The following IQANK1 variants were observed in gnomAD, a reference collection of about 807,000 sequenced individuals.
IQANK1 encodes the protein IQ motif and ankyrin repeat domain-containing protein 1.
IQANK1 carries 30 observed loss-of-function variants against 22.6 expected under a neutral mutation model. That is an observed-to-expected ratio of 1.33 (90% CI 0.99 to 1.80). IQANK1 has a LOEUF of 1.80. Ranked by LOEUF, IQANK1 falls within the 40% of genes most tolerant of loss-of-function variation. IQANK1 has a pLI of 0.00. For missense variants in IQANK1, 275 were observed against 235.2 expected (o/e 1.17, Z -1.11); for synonymous variants, 122 against 99.6 (o/e 1.23, Z -1.34).
At chr8:143,748,828 ATTT>A (rs1819103540) in intron 3 of IQANK1, among the ~76,000 whole-genome samples, 1 of 116,992 alleles carries the variant, frequency 8.5e-6, no homozygotes, top group East Asian at 2.6e-4. Flanking sequence ...ATAAATATAT[ATTT>A]CATATATAAA....
chr8:143,744,683 C>T (rs895240648), intron 3 of IQANK1: 1 of 152,174 alleles, frequency 6.6e-6, no homozygotes, highest in African/African-American at 2.4e-5. Context: ...TTAACCTCTG[C>T]AATTCCTCAA....
chr8:143,742,947 G>A (rs1554626803), intron 3 of IQANK1: 1 of 456,054 alleles, frequency 2.2e-6, no homozygotes. Context: ...ACAGTGTCCC[G>A]GCACAGCCTA....
At chr8:143,759,021 C>T (rs1278373798) in intron 3 of IQANK1, 13 of 205,072 alleles carry the variant, frequency 6.3e-5, no homozygotes, top group African/African-American at 1.9e-4. Flanking sequence ...AGCAATTCTT[C>T]GCAATGGGGT....
intron 7 of IQANK1, among the ~76,000 whole-genome samples, chr8:143,776,558 G>A (rs1554630449): frequency 6.6e-6 from 1 of 152,098 alleles, no homozygotes; most frequent in African/African-American, 2.4e-5. Flanking sequence ...TTTTCAGGGT[G>A]TAGTATAGGA....
intron 7 of IQANK1, among the ~76,000 whole-genome samples, chr8:143,777,389 G>A (rs1275389189): frequency 6.6e-6 from 1 of 151,602 alleles, no homozygotes; most frequent in South Asian, 2.1e-4. Flanking sequence ...GGTGGCAGGC[G>A]CCTGTAATCC....
intron 3 of IQANK1, chr8:143,742,332 G>A (rs1280912820): frequency 4.4e-6 from 2 of 450,936 alleles, no homozygotes; most frequent in Admixed American, 2.4e-5. Flanking sequence ...CTGCCCGCCA[G>A]GATCTCCCTG....
chr8:143,761,060 C>G (rs1819386273), intron 3 of IQANK1, among the ~76,000 whole-genome samples: 1 of 152,218 alleles, frequency 6.6e-6, no homozygotes, highest in African/African-American at 2.4e-5. Flanking sequence ...CCATCCTGAA[C>G]CAGGGCGTCA....
chr8:143,741,516 TGGGGTTGGCAGGG>T (rs782088279), intron 3 of IQANK1, among the ~76,000 whole-genome samples: 7 of 151,722 alleles, frequency 4.6e-5, no homozygotes, highest in Non-Finnish European at 8.8e-5. Context: ...ACCGCACAGG[TGGGGTTGGCAGGG>T]GGGATTCTAC....
chr8:143,747,977 T>TCCCTTTC (rs1478933242), intron 3 of IQANK1, among the ~76,000 whole-genome samples: 1 of 140,048 alleles, frequency 7.1e-6, no homozygotes, highest in African/African-American at 2.9e-5. Context: ...CCTTTCCCTT[T>TCCCTTTC]CCTTTCCCTT....
chr8:143,737,200 A>G (rs920546726), intron 2 of IQANK1, among the ~76,000 whole-genome samples: 3 of 152,222 alleles, frequency 2.0e-5, no homozygotes, highest in Non-Finnish European at 2.9e-5. Context: ...CTGCACTCCA[A>G]TAAACGGGGG....
intron 3 of IQANK1, chr8:143,746,096 C>T (rs1329652948): frequency 6.6e-6 from 1 of 152,200 alleles, no homozygotes; most frequent in Non-Finnish European, 1.5e-5. Context: ...AAAATCATAT[C>T]ATTGGCAAAC....
chr8:143,781,055 T>G (rs760922359), intron 7 of IQANK1, among the ~76,000 whole-genome samples: 5 of 152,244 alleles, frequency 3.3e-5, no homozygotes, highest in Non-Finnish European at 5.9e-5. Flanking sequence ...ATTGTGGTTT[T>G]GATTTGCATT....
chr8:143,736,053 C>T lies in IQANK1; in HGVS notation c.85+115C>T, dbSNP rs1362320824. ...AGGAGAGCCCTTCTTCCAAGAGTGG[C>T]TTTTAGGGGACCTCTGAGTTGGGAT... is the stretch of plus-strand genomic sequence containing the variant. On this transcript the variant is annotated intron_variant, in intron 2 of 13. Transcript: ENST00000527139. The T allele has an allele frequency of 7.8e-6, 5 of 640,768 alleles. No homozygotes were observed. The Admixed American group carries it at 9.5e-5, about 12-fold the overall frequency. The allele number at this position is 640,768 out of a possible 1,614,324, so 39.7% of individuals were successfully genotyped here.
Position 143,771,394 on chromosome 8 carries a change from G to A in IQANK1, c.176-94G>A. On this transcript the variant is annotated intron_variant, in intron 3 of 13. Transcript: ENST00000527139. The surrounding 1 kb of genome is among the most constrained non-coding windows in gnomAD (Gnocchi z 6.0). Reference sequence around the variant, plus strand: ...GAGCCGTTTGGGTCCTTCTGTCGGGGCGGGGGCGGGGGCGGGGCCGGCTCC... The same window carrying A: ...GAGCCGTTTGGGTCCTTCTGTCGGGACGGGGGCGGGGGCGGGGCCGGCTCC... The A allele has an allele frequency of 2.6e-6, 1 of 390,750 alleles. No homozygotes were observed. The highest frequency in any genetic ancestry group is 4.5e-6 in the Non-Finnish European group (1 of 221,456). 24.2% of individuals were successfully genotyped at this position (390,750 alleles called of 1,614,324 possible).
chr8:143,760,869 GC>G (rs1819382203), intron 3 of IQANK1, among the ~76,000 whole-genome samples: 2 of 152,206 alleles, frequency 1.3e-5, no homozygotes, highest in Non-Finnish European at 2.9e-5. Flanking sequence ...CCTCCCAGGA[GC>G]CGGTCATCGC....
At chr8:143,786,520 T>G (rs1554631370) in intron 7 of IQANK1, among the ~76,000 whole-genome samples, 1 of 152,258 alleles carries the variant, frequency 6.6e-6, no homozygotes, top group Non-Finnish European at 1.5e-5. Flanking sequence ...CCTATGTGTT[T>G]ACCCATTTAT....
At chr8:143,773,016 G>T (rs1292955600) in intron 7 of IQANK1, among the ~76,000 whole-genome samples, 12 of 152,204 alleles carry the variant, frequency 7.9e-5, no homozygotes, top group African/African-American at 2.7e-4. Flanking sequence ...AGGACAGTCT[G>T]GCTGTCTGGC....
At chr8:143,741,275 T>C (rs576673751) in intron 3 of IQANK1, among the ~76,000 whole-genome samples, 3 of 152,144 alleles carry the variant, frequency 2.0e-5, no homozygotes, top group Non-Finnish European at 4.4e-5. Context: ...CTGCGGGGTG[T>C]GGGGCAGACA....
At position 143,789,447 on chromosome 8, in the gene IQANK1, C is replaced by T; in HGVS notation, c.1005C>T (p.Ala335=). The T allele has an allele frequency of 8.1e-7, 1 of 1,230,990 alleles. No homozygotes were observed. Among genetic ancestry groups the T allele is most frequent in the South Asian group, 4.1e-5 (1 of 24,310 alleles). The allele number at this position is 1,230,990 out of a possible 1,614,324, so 76.3% of individuals were successfully genotyped here. The change falls in exon 10 of 14, where the codon GCC becomes GCT. Residue 335 remains alanine, a synonymous_variant. Coordinates refer to ENST00000527139, the MANE Select transcript of IQANK1 (RefSeq NM_001381874.1). ...GTACGCCCACCCAGCTGCAACAGGC[C>T]TACTGTGAGCTTAGCCGGAGGATCT... ...QQQCHKELQQ[A]YCELSRRISE...
Sources: gnomAD v4.1 joint callset for allele counts (sites outside exome capture counted in the v4.1 genomes callset) on GRCh38, gnomAD v4.1.1 for gene constraint, Gnocchi (gnomAD v3.1) non-coding constraint, MANE v1.5 for transcripts, NCBI Gene and HGNC (gene_info 2026-07-23, HGNC 2026-07-21) for gene names.